The following DCHS2 variants were observed in gnomAD, a reference collection of about 807,000 sequenced individuals.
The protein encoded by DCHS2 is protocadherin-23.
DCHS2 carries 142 observed loss-of-function variants against 182.4 expected under a neutral mutation model. The ratio of observed to expected loss-of-function variants is 0.78; its 90% CI spans 0.68 to 0.89. DCHS2 has a LOEUF of 0.89. DCHS2 is among the 40% of genes least tolerant of loss of function. The pLI, the probability that DCHS2 is intolerant of heterozygous loss-of-function variation, is 0.00. For missense variants in DCHS2, 4,319 were observed against 4,198.6 expected (o/e 1.03, Z -0.79); for synonymous variants, 1,740 against 1,663.3 (o/e 1.05, Z -1.12).
At chr4:154,330,444 T>A (rs1451704819) in intron 5 of DCHS2, among the ~76,000 whole-genome samples, 1 of 152,200 alleles carries the variant, frequency 6.6e-6, no homozygotes, top group South Asian at 2.1e-4. Context: ...ACTTTCCTCA[T>A]GTGTCAGCCA....
At chr4:154,426,922 C>T (rs2110926062) in intron 1 of DCHS2, among the ~76,000 whole-genome samples, 1 of 152,224 alleles carries the variant, frequency 6.6e-6, no homozygotes, top group Non-Finnish European at 1.5e-5. Flanking sequence ...ATCCAACTAT[C>T]TCATGTGCCC....
chr4:154,270,106 T>A (rs1733515482), intron 13 of DCHS2, 93 bp from the exon 14 acceptor site: 8 of 1,427,830 alleles, frequency 5.6e-6, no homozygotes, highest in Non-Finnish European at 6.5e-6. Context: ...ATTTGCCTAC[T>A]ATGTTTTCAC....
chr4:154,236,384 A>G lies in DCHS2; in HGVS notation c.8268T>C (p.Phe2756=). ...GGTCGTTATCATCCAGGACACTGAC[A>G]AACACAACTGCAAAAGAAAAATGTT... The part of the protein sequence containing the change: ...EKKHFSFAVV[F]VSVLDDNDHA... The change falls in exon 20 of 20, where the codon TTT becomes TTC. Residue 2756 remains phenylalanine (F), a synonymous_variant. Transcript: ENST00000357232. 1 of 1,614,094 alleles carries G rather than the reference A, an allele frequency of 6.2e-7. No individual in the cohort carries two copies.
In DCHS2 at chr4:154,357,374, G is replaced by C. The variant is rs749372537; in HGVS notation, c.2476+8836C>G. On this transcript the variant is annotated intron_variant, in intron 3 of 19. Transcript: ENST00000357232. Reference sequence around the variant, plus strand: ...TGGTGGGAGCAGGGAAAAGCAAAAAGAAAAAGCAGGTAAGCTATAAGTCTG... The same window carrying C: ...TGGTGGGAGCAGGGAAAAGCAAAAACAAAAAGCAGGTAAGCTATAAGTCTG... 15 of 1,197,858 alleles carry C rather than the reference G, an allele frequency of 1.3e-5. No homozygotes were observed. In the Admixed American group the frequency reaches 1.8e-4, roughly 14 times the overall value. 74.2% of individuals were successfully genotyped at this position (1,197,858 alleles called of 1,614,324 possible). A position where few individuals can be genotyped will look rare whatever the true frequency, so the allele number is the denominator to read the frequency against.
At position 154,433,302 on chromosome 4, in the gene DCHS2, C is replaced by T. The variant is rs1057182932; in HGVS notation, c.2053-55858G>A. Among the ~76,000 whole-genome samples the T allele has an allele frequency of 5.3e-5, 8 of 151,414 alleles. No individual in the cohort carries two copies. The East Asian group carries it at 1.6e-3, about 29-fold the overall frequency. On this transcript the variant is annotated intron_variant, in intron 1 of 19. Transcript: ENST00000357232. ...ATGAGGAAGAGCTCAACCTTGGAGCCTTCAGAGGGACCATGGCCCTGCCAA... is the reference window on the plus strand; with the variant it reads ...ATGAGGAAGAGCTCAACCTTGGAGCTTTCAGAGGGACCATGGCCCTGCCAA...
At chr4:154,323,110 T>A in intron 7 of DCHS2, 1 of 1,341,674 alleles carries the variant, frequency 7.5e-7, no homozygotes, top group Non-Finnish European at 1.0e-6. Flanking sequence ...TTGAATAAAC[T>A]GGAACTTGTA....
At chr4:154,404,976 G>A (rs1015643733) in intron 1 of DCHS2, among the ~76,000 whole-genome samples, 14 of 152,200 alleles carry the variant, frequency 9.2e-5, no homozygotes, top group African/African-American at 3.4e-4. Context: ...CATGGGCATG[G>A]TGGCTCATGC....
intron 3 of DCHS2, chr4:154,343,332 G>T (rs1729199011): frequency 1.3e-6 from 1 of 758,782 alleles, no homozygotes; most frequent in Non-Finnish European, 1.9e-6. Context: ...CCCCTAACAA[G>T]AGAGTCAGCC....
At chr4:154,374,772 T>A (rs1446298327) in intron 2 of DCHS2, among the ~76,000 whole-genome samples, 2 of 152,116 alleles carry the variant, frequency 1.3e-5, no homozygotes, top group Non-Finnish European at 2.9e-5. Flanking sequence ...AGGGTCTGTC[T>A]ATACAAAAGA....
chr4:154,353,896 A>T (rs897851266), intron 3 of DCHS2, among the ~76,000 whole-genome samples: 4 of 152,148 alleles, frequency 2.6e-5, no homozygotes, highest in Admixed American at 2.6e-4. Context: ...AGTAATTATT[A>T]TATACTCCAA....
At chr4:154,411,770 T>A (rs1175885352) in intron 1 of DCHS2, among the ~76,000 whole-genome samples, 1 of 152,202 alleles carries the variant, frequency 6.6e-6, no homozygotes, top group Non-Finnish European at 1.5e-5. Flanking sequence ...AATGTTAATT[T>A]GTTCCACTAC....
chr4:154,317,904 C>G (rs1439552454), intron 9 of DCHS2, among the ~76,000 whole-genome samples: 1 of 152,054 alleles, frequency 6.6e-6, no homozygotes, highest in Admixed American at 6.6e-5. Flanking sequence ...GTCTTAATGT[C>G]CAAATGAATT....
At chr4:154,417,769 T>C (rs936056463) in intron 1 of DCHS2, among the ~76,000 whole-genome samples, 1 of 152,184 alleles carries the variant, frequency 6.6e-6, no homozygotes, top group Non-Finnish European at 1.5e-5. Context: ...AAACAAAACA[T>C]AAAATCCTTC....
chr4:154,301,484 TTTTA>T (rs949943234), intron 12 of DCHS2, among the ~76,000 whole-genome samples: 21 of 151,972 alleles, frequency 1.4e-4, no homozygotes, highest in Non-Finnish European at 2.6e-4. Flanking sequence ...TTTGCCTTAT[TTTTA>T]TTTATTTATT....
Position 154,235,268 on chromosome 4 carries a change from G to T in DCHS2, c.9384C>A (p.Ser3128=). ...CSDSALSDHE[S]RVPDSGIPRD... is the part of the protein sequence containing the mutation. ...TCGGGATACCCGAGTCTGGCACCCT[G>T]GACTCGTGGTCACTCAGAGCTGAGT... Residue 3128 remains serine, a synonymous_variant, in exon 20 of 20, where the codon TCC becomes TCA. Coordinates refer to ENST00000357232, the MANE Select transcript of DCHS2 (RefSeq NM_001358235.2). 2 of 1,614,048 alleles carry T rather than the reference G, an allele frequency of 1.2e-6. No individual in the cohort carries two copies. Among genetic ancestry groups the T allele is most frequent in the Non-Finnish European group, 1.7e-6 (2 of 1,179,976 alleles).
intron 1 of DCHS2, among the ~76,000 whole-genome samples, chr4:154,469,948 T>C (rs1735392401): frequency 6.6e-6 from 1 of 152,204 alleles, no homozygotes; most frequent in Non-Finnish European, 1.5e-5. Context: ...TTCTATTTCA[T>C]TATTTCTATT....
At chr4:154,385,573 C>T (rs976560598) in intron 1 of DCHS2, among the ~76,000 whole-genome samples, 10 of 152,092 alleles carry the variant, frequency 6.6e-5, no homozygotes, top group Non-Finnish European at 1.2e-4. Flanking sequence ...CTGCAACCTC[C>T]GCCTCCTGGG....
chr4:154,410,470 C>CAAAAAAAAAAAAAA (rs61280673), intron 1 of DCHS2, among the ~76,000 whole-genome samples: 6 of 70,356 alleles, frequency 8.5e-5, no homozygotes, highest in African/African-American at 2.1e-4. Context: ...ACCCAGAGGG[C>CAAAAAAAAAAAAAA]AAAAAAAAAA....
chr4:154,299,427 C>T (rs1460987093), intron 12 of DCHS2, among the ~76,000 whole-genome samples: 2 of 152,090 alleles, frequency 1.3e-5, no homozygotes, highest in African/African-American at 4.8e-5. Flanking sequence ...CTTTCAAAGA[C>T]ATTTTTAAAT....
Sources: allele counts gnomAD v4.1 joint callset (sites outside exome capture counted in the v4.1 genomes callset), GRCh38; gene constraint gnomAD v4.1.1; transcripts MANE v1.5; gene names NCBI Gene and HGNC (gene_info 2026-07-23, HGNC 2026-07-21).